The following PAPPA2 variants were observed in gnomAD, a reference collection of about 807,000 sequenced individuals.
PAPPA2 encodes the protein pappalysin-2.
PAPPA2 carries 86 observed loss-of-function variants against 176.4 expected under a neutral mutation model. The observed-to-expected ratio is 0.49, with a 90% CI of 0.41 to 0.58. PAPPA2 has a LOEUF of 0.58. PAPPA2 is among the 20% of genes least tolerant of loss of function. The pLI is 0.00. For synonymous variants in PAPPA2, 809 were observed against 852.2 expected (o/e 0.95, Z 0.88); for missense variants, 2,073 against 2,256.9 (o/e 0.92, Z 1.65).
chr1:176,619,572 T>A (rs370887618), intron 3 of PAPPA2, among the ~76,000 whole-genome samples: 1 of 152,224 alleles, frequency 6.6e-6, no homozygotes, highest in Non-Finnish European at 1.5e-5. Flanking sequence ...AGCATTTATA[T>A]ATAATTCAGC....
At chr1:176,648,126 A>G (rs967342833) in intron 3 of PAPPA2, among the ~76,000 whole-genome samples, 11 of 151,370 alleles carry the variant, frequency 7.3e-5, no homozygotes, top group Admixed American at 2.0e-4. Context: ...AGTGTTTTTT[A>G]TAGTTTTTTG....
At chr1:176,683,185 T>G (rs897238343) in intron 4 of PAPPA2, among the ~76,000 whole-genome samples, 2 of 152,168 alleles carry the variant, frequency 1.3e-5, no homozygotes, top group Admixed American at 1.3e-4. Flanking sequence ...TGTTTACTAC[T>G]AAGATTTCAT....
In PAPPA2 at chr1:176,594,828, G is replaced by T. The variant is rs1348699807; in HGVS notation, c.1224G>T (p.Leu408=). ...TGGCATCTTGCCGCTCTTTGCTCCTGGGGGGAGACAGCTCTGAGGATGGGC... is the reference window on the plus strand; with the variant it reads ...TGGCATCTTGCCGCTCTTTGCTCCTTGGGGGAGACAGCTCTGAGGATGGGC... ...PFMASCRSLL[L]GGDSSEDGHY... is the part of the protein sequence containing the mutation. The change falls in exon 3 of 23, where the codon CTG becomes CTT. Residue 408 remains leucine (L), a synonymous_variant. Transcript: ENST00000367662. 1 of 1,614,176 alleles carries T rather than the reference G, an allele frequency of 6.2e-7. No individual in the cohort carries two copies. The highest frequency in any genetic ancestry group is 1.7e-5 in the Admixed American group (1 of 60,030).
At chr1:176,687,704 G>A (rs1659908988) in intron 4 of PAPPA2, among the ~76,000 whole-genome samples, 1 of 152,084 alleles carries the variant, frequency 6.6e-6, no homozygotes, top group African/African-American at 2.4e-5. Flanking sequence ...TGTTTGCTCA[G>A]AGCTGAAATG....
rs186970433 is a variant in PAPPA2, at chr1:176,829,006, A to T, written c.5203-11167A>T. Among the ~76,000 whole-genome samples the T allele has an allele frequency of 1.5e-3, 224 of 152,176 alleles. 1 individual carries two copies. The highest frequency in any genetic ancestry group is 4.7e-3 in the African/African-American group (195 of 41,510). On this transcript the variant is annotated intron_variant, in intron 21 of 22. Coordinates refer to ENST00000367662, the MANE Select transcript of PAPPA2 (RefSeq NM_020318.3). ...CAACAACGCAAGACTCCATCTCAAA[A>T]AAATAAATAAATAAATAAATAAAGG... is the stretch of plus-strand genomic sequence containing the variant.
chr1:176,496,260 A>G lies in PAPPA2; in HGVS notation c.-917+32842A>G, dbSNP rs562837433. 2.6e-5 allele frequency among the ~76,000 whole-genome samples: 4 copies of G among 152,194 alleles called. No individual in the cohort carries two copies. The South Asian group carries it at 8.3e-4, about 32-fold the overall frequency. On this transcript the variant is annotated intron_variant, in intron 1 of 22. Coordinates refer to ENST00000367662, the MANE Select transcript of PAPPA2 (RefSeq NM_020318.3). ...ACTGTTTTTAATATGGGTAGTAGCCATTTTTTTCTTTATGGGAGCATGTCA... is the reference window on the plus strand; with the variant it reads ...ACTGTTTTTAATATGGGTAGTAGCCGTTTTTTTCTTTATGGGAGCATGTCA...
In PAPPA2 at chr1:176,699,133, G is replaced by A; in HGVS notation, c.2780G>A (p.Ser927Asn). 6.2e-7 allele frequency: 1 copy of A among 1,613,952 alleles called. No individual in the cohort carries two copies. Among genetic ancestry groups the A allele is most frequent in the Non-Finnish European group, 8.5e-7 (1 of 1,179,928 alleles). ...PPDVDQPCEP[S>N]LQAWSPEVHL... Reference sequence around the variant, plus strand: ...GATGTGGATCAGCCCTGCGAGCCAAGCTTACAGGCCTGGAGCCCTGAGGTC... The same window carrying A: ...GATGTGGATCAGCCCTGCGAGCCAAACTTACAGGCCTGGAGCCCTGAGGTC... Residue 927 changes from serine to asparagine, a missense_variant, in exon 8 of 23, where the codon AGC (serine) becomes AAC (asparagine). By Grantham distance (46) the Ser-to-Asn change is conservative (BLOSUM62 1). Coordinates refer to ENST00000367662, the MANE Select transcript of PAPPA2 (RefSeq NM_020318.3).
At chr1:176,534,494 C>T (rs573736393) in intron 1 of PAPPA2, among the ~76,000 whole-genome samples, 157 of 152,246 alleles carry the variant, frequency 1.0e-3, no homozygotes, top group Non-Finnish European at 1.7e-3. Flanking sequence ...TTGTAAGGAT[C>T]GGCTGCCTTT....
At chr1:176,796,299 G>GTAGTGTGC (rs1388234419) in intron 20 of PAPPA2, among the ~76,000 whole-genome samples, 2 of 152,322 alleles carry the variant, frequency 1.3e-5, no homozygotes, top group East Asian at 3.9e-4. Flanking sequence ...AAGTTGCAGG[G>GTAGTGTGC]TAGTGTGCTA....
At chr1:176,531,660 T>G (rs910902331) in intron 1 of PAPPA2, among the ~76,000 whole-genome samples, 2 of 152,170 alleles carry the variant, frequency 1.3e-5, no homozygotes, top group African/African-American at 2.4e-5. Context: ...TACAAGGACA[T>G]GCTGAGGTCA....
intron 17 of PAPPA2, among the ~76,000 whole-genome samples, chr1:176,782,786 T>C (rs1319922897): frequency 6.6e-6 from 1 of 152,194 alleles, no homozygotes; most frequent in African/African-American, 2.4e-5. Flanking sequence ...GGGAAATTTA[T>C]TTTTTTGAAA....
intron 3 of PAPPA2, among the ~76,000 whole-genome samples, chr1:176,648,025 T>C (rs920550706): frequency 8.6e-5 from 13 of 151,498 alleles, no homozygotes; most frequent in Admixed American, 8.6e-4. Flanking sequence ...TGTCTATTGC[T>C]TTGTCTAGTC....
chr1:176,779,223 A>G (rs972919610), intron 17 of PAPPA2, among the ~76,000 whole-genome samples: 1 of 151,960 alleles, frequency 6.6e-6, no homozygotes, highest in African/African-American at 2.4e-5. Flanking sequence ...ACTTTATTCA[A>G]CCTGTAACTT....
intron 2 of PAPPA2, among the ~76,000 whole-genome samples, chr1:176,579,441 C>T (rs1162917042): frequency 2.6e-5 from 4 of 152,094 alleles, no homozygotes; most frequent in African/African-American, 9.7e-5. Flanking sequence ...AAATGTTCGG[C>T]AAGGCAGCCT....
At chr1:176,682,089 A>G (rs1251230493) in intron 4 of PAPPA2, among the ~76,000 whole-genome samples, 1 of 152,228 alleles carries the variant, frequency 6.6e-6, no homozygotes, top group Non-Finnish European at 1.5e-5. Context: ...AAACAGTTAG[A>G]TATTGAGATT....
intron 14 of PAPPA2, among the ~76,000 whole-genome samples, chr1:176,759,828 A>G (rs572797350): frequency 6.6e-6 from 1 of 152,268 alleles, no homozygotes; most frequent in Admixed American, 6.5e-5. Flanking sequence ...TCTGGTGTCT[A>G]CCTTACCCTG....
intron 21 of PAPPA2, among the ~76,000 whole-genome samples, chr1:176,808,347 A>G (rs2102958756): frequency 1.3e-5 from 2 of 152,308 alleles, no homozygotes; most frequent in East Asian, 1.9e-4. Flanking sequence ...GGCAGGGATT[A>G]ATTCATATGC....
At chr1:176,676,306 T>C (rs1659290841) in intron 4 of PAPPA2, among the ~76,000 whole-genome samples, 1 of 152,108 alleles carries the variant, frequency 6.6e-6, no homozygotes, top group African/African-American at 2.4e-5. Context: ...AGCTTTCTAT[T>C]TTCTATATAG....
At chr1:176,507,522 A>T (rs1175781251) in intron 1 of PAPPA2, among the ~76,000 whole-genome samples, 1 of 152,202 alleles carries the variant, frequency 6.6e-6, no homozygotes, top group East Asian at 1.9e-4. Flanking sequence ...AATAGCAAAG[A>T]CATGGAATCA....
Sources: gnomAD v4.1 joint callset for allele counts (sites outside exome capture counted in the v4.1 genomes callset) on GRCh38, gnomAD v4.1.1 for gene constraint, MANE v1.5 for transcripts, NCBI Gene and HGNC (gene_info 2026-07-23, HGNC 2026-07-21) for gene names.